The following TUBB8 variants were observed in gnomAD, a reference collection of about 807,000 sequenced individuals.
TUBB8 encodes tubulin beta-8 chain.
In TUBB8, 25 loss-of-function variants were observed where a neutral mutation model predicts 33.7. The observed-to-expected ratio is 0.74, with a 90% CI of 0.54 to 1.04. The LOEUF (loss-of-function observed/expected upper bound fraction) is 1.04, where lower values mean the gene tolerates loss of function less well. Among genes scored for constraint, TUBB8 ranks in the 50% least tolerant of loss-of-function variants. The probability of loss-of-function intolerance (pLI) is 0.00; values close to 1 mark genes in which losing one functional copy is unlikely to be tolerated. For missense variants in TUBB8, 279 were observed against 608.0 expected (o/e 0.46, Z 5.69); for synonymous variants, 245 against 240.1 (o/e 1.02, Z -0.19).
In TUBB8 at chr10:48,784, G is replaced by T; in HGVS notation, c.166+20C>A. On this transcript the variant is annotated intron_variant, in intron 2 of 3. Coordinates refer to ENST00000568584, the MANE Select transcript of TUBB8 (RefSeq NM_177987.3). ...GGCCGCGTTCCCAGGAGGGCGGTGG[G>T]GGAAGGACGGGGGTCTCACCGCTGG... 2 of 1,611,026 alleles carry T rather than the reference G, an allele frequency of 1.2e-6. No homozygotes were observed. The highest frequency in any genetic ancestry group is 1.7e-6 in the Non-Finnish European group (2 of 1,178,820).
chr10:47,313 C>T lies in TUBB8; in HGVS notation c.1079G>A (p.Gly360Glu), dbSNP rs1554738037. 4 of 1,613,620 alleles carry T rather than the reference C, an allele frequency of 2.5e-6. No individual in the cohort carries two copies. The highest frequency in any genetic ancestry group is 2.7e-5 in the African/African-American group (2 of 75,028). The change falls in exon 4 of 4, where the codon GGG (glycine) becomes GAG (glutamate). Residue 360 changes from glycine to glutamate, a missense_variant. Transcript: ENST00000568584. ...AATGAAGGTGGCTGACATTTTTAGC[C>T]CCCGGGGTGGGATGTCACAGACGGC... ...KTAVCDIPPR[G>E]LKMSATFIGN...
In TUBB8 at chr10:49,271, G is replaced by A. The variant is rs797034859; in HGVS notation, c.-33C>T. 7 of 1,571,076 alleles carry A rather than the reference G, an allele frequency of 4.5e-6. No homozygotes were observed. The South Asian group carries it at 5.8e-5, about 13-fold the overall frequency. Reference sequence around the variant, plus strand: ...GCGGGATTAGGACGGCAGGAGAAACGTGAGAAGGAGGAGCAGACGCGCAGC... The same window carrying A: ...GCGGGATTAGGACGGCAGGAGAAACATGAGAAGGAGGAGCAGACGCGCAGC... On this transcript the variant is annotated 5_prime_UTR_variant, in exon 1 of 4. The change creates a new upstream start codon in the 5' untranslated region. Coordinates refer to ENST00000568584, the MANE Select transcript of TUBB8 (RefSeq NM_177987.3).
chr10:76,518 C>T (rs1398019060), upstream of TUBB8, among the ~76,000 whole-genome samples: 4 of 152,124 alleles, frequency 2.6e-5, no homozygotes, highest in Non-Finnish European at 4.4e-5. Flanking sequence ...GTCCTCACAG[C>T]GGACGTGGCC....
rs782798821 is a variant in TUBB8 at position 47,566 on chromosome 10, G to A, written c.826C>T (p.Arg276Trp). The A allele has an allele frequency of 1.6e-5, 26 of 1,611,250 alleles. No homozygotes were observed. Among genetic ancestry groups the A allele is most frequent in the South Asian group, 3.3e-5 (3 of 91,008 alleles). Residue 276 changes from arginine (R) to tryptophan (W), a missense_variant, in exon 4 of 4, where the codon CGG becomes TGG. This residue lies in a region of TUBB8 where 4 missense variants were observed against 67.5 expected (regional missense o/e 0.06). Coordinates refer to ENST00000568584, the MANE Select transcript of TUBB8 (RefSeq NM_177987.3). ...AAGGCCCGGTACTGCTGGCTGCCCC[G>A]GCTGGTCAGTGGGGCAAAGCCGGGC... Reference protein sequence around the residue: ...FMPGFAPLTSRGSQQYRALTV... With the variant: ...FMPGFAPLTSWGSQQYRALTV...
intron 3 of TUBB8, 100 bp downstream of exon 3, chr10:48,515 G>T: frequency 8.6e-7 from 1 of 1,165,986 alleles, no homozygotes; most frequent in Non-Finnish European, 1.3e-6. Flanking sequence ...GTGTTCAGGG[G>T]CCCTAGCTCC....
At chr10:74,465 A>C (rs1554742833), upstream of TUBB8, among the ~76,000 whole-genome samples, 1 of 150,564 alleles carries the variant, frequency 6.6e-6, no homozygotes, top group Admixed American at 6.6e-5. Context: ...CATCTCTACT[A>C]AAAATACAAA....
intron 1 of TUBB8, among the ~76,000 whole-genome samples, chr10:54,626 AT>A (rs1189679419): frequency 1.3e-5 from 2 of 152,086 alleles, no homozygotes; most frequent in African/African-American, 4.8e-5. Context: ...TGTATGTCTT[AT>A]TTTCATAAAT....
chr10:69,731 C>CA (rs1483810252), intron 1 of TUBB8, among the ~76,000 whole-genome samples: 4 of 152,026 alleles, frequency 2.6e-5, no homozygotes, highest in East Asian at 1.9e-4. Flanking sequence ...CTCATCTCTA[C>CA]AAAAAAAATA....
chr10:50,855 T>A (rs1461071236), upstream of TUBB8, among the ~76,000 whole-genome samples: 5 of 152,252 alleles, frequency 3.3e-5, no homozygotes, highest in Non-Finnish European at 7.3e-5. Context: ...TTAGCCCTCC[T>A]GTTTTCCTGA....
Position 49,261 on chromosome 10 carries a change from C to T in TUBB8, c.-23G>A, listed in dbSNP as rs1277463192. On this transcript the variant is annotated 5_prime_UTR_variant, in exon 1 of 4. Transcript: ENST00000568584. ...CATGGCCAAGGCGGGATTAGGACGG[C>T]AGGAGAAACGTGAGAAGGAGGAGCA... 6 of 1,576,770 alleles carry T rather than the reference C, an allele frequency of 3.8e-6. No individual in the cohort carries two copies. In the African/African-American group the frequency reaches 6.8e-5, roughly 18 times the overall value.
upstream of TUBB8, among the ~76,000 whole-genome samples, chr10:75,654 C>CAA (rs35362588): frequency 0.013 from 1,242 of 93,410 alleles, 8 homozygotes; most frequent in Non-Finnish European, 0.016. Flanking sequence ...GACTCTGTCT[C>CAA]AAAAAAAAAA....
chr10:68,042 G>C (rs113742520), intron 1 of TUBB8, among the ~76,000 whole-genome samples: 15,562 of 117,470 alleles, frequency 0.13, no homozygotes, highest in African/African-American at 0.26. Flanking sequence ...CATAAATACT[G>C]TGATGGTTAA....
chr10:67,437 T>C (rs1296063098), intron 1 of TUBB8, among the ~76,000 whole-genome samples: 3 of 152,218 alleles, frequency 2.0e-5, no homozygotes, highest in Non-Finnish European at 4.4e-5. Context: ...TTTTTTGTTT[T>C]TTCCAGAGAT....
upstream of TUBB8, among the ~76,000 whole-genome samples, chr10:53,605 T>TGGG: frequency 6.6e-6 from 1 of 152,370 alleles, no homozygotes; most frequent in African/African-American, 2.4e-5. Flanking sequence ...AGTTTCAAGA[T>TGGG]GTTTCCCCTC....
chr10:50,596 AGC>A (rs1207443093), upstream of TUBB8, among the ~76,000 whole-genome samples: 3 of 152,206 alleles, frequency 2.0e-5, no homozygotes, highest in Non-Finnish European at 2.9e-5. Flanking sequence ...CACTCTAACA[AGC>A]TCAAAATCTG....
upstream of TUBB8, chr10:49,773 A>C (rs1447208424): frequency 2.3e-5 from 8 of 353,976 alleles, no homozygotes; most frequent in Non-Finnish European, 3.9e-5. Flanking sequence ...TGTTAGAGAC[A>C]GTCAGGCCTC....
chr10:61,566 T>C (rs1834602094), intron 1 of TUBB8, among the ~76,000 whole-genome samples: 1 of 152,272 alleles, frequency 6.6e-6, no homozygotes, highest in Non-Finnish European at 1.5e-5. Context: ...GAAGAATGTG[T>C]ATTCTGCAGC....
At chr10:50,348 C>T (rs1344171929), upstream of TUBB8, 1 of 152,132 alleles carries the variant, frequency 6.6e-6, no homozygotes, top group Non-Finnish European at 1.5e-5. Context: ...AATTTATTAC[C>T]ATCATTCAGC....
At chr10:57,818 T>TA (rs1440898494) in intron 1 of TUBB8, among the ~76,000 whole-genome samples, 6 of 152,096 alleles carry the variant, frequency 3.9e-5, no homozygotes, top group African/African-American at 1.4e-4. Flanking sequence ...ACTTGCTTTT[T>TA]TTTTAAGTTA....
Sources: allele counts gnomAD v4.1 joint callset (sites outside exome capture counted in the v4.1 genomes callset), GRCh38; gene constraint gnomAD v4.1.1; regional missense constraint gnomAD v4.1.1; transcripts MANE v1.5; gene names NCBI Gene and HGNC (gene_info 2026-07-23, HGNC 2026-07-21).